AUTS2: variants seen among roughly 807,000 people sequenced by gnomAD.
AUTS2 encodes autism susceptibility gene 2 protein.
Under a neutral mutation model 112.4 loss-of-function variants are expected in AUTS2, and 17 were observed. That is an observed-to-expected ratio of 0.15 (90% CI 0.10 to 0.23). The LOEUF (loss-of-function observed/expected upper bound fraction) is 0.23. Ranked by LOEUF, AUTS2 falls within the 10% of genes least tolerant of loss-of-function variation. AUTS2 has a pLI of 1.00. For missense variants in AUTS2, 1,510 were observed against 1,701.6 expected (o/e 0.89, Z 1.98); for synonymous variants, 751 against 702.7 (o/e 1.07, Z -1.09).
chr7:70,707,374 C>T (rs77763487), intron 6 of AUTS2, among the ~76,000 whole-genome samples: 2,608 of 152,234 alleles, frequency 0.017, 41 homozygotes, highest in East Asian at 0.061. Context: ...TGTCCAAGGT[C>T]GCGCACCTAG....
chr7:69,675,803 G>A (rs778490727), intron 1 of AUTS2, among the ~76,000 whole-genome samples: 1 of 152,024 alleles, frequency 6.6e-6, no homozygotes, highest in African/African-American at 2.4e-5. Flanking sequence ...CACTGTGTCC[G>A]GCCTTGGCTG....
intron 1 of AUTS2, among the ~76,000 whole-genome samples, chr7:69,649,325 A>G (rs975060232): frequency 6.6e-6 from 1 of 152,182 alleles, no homozygotes; most frequent in African/African-American, 2.4e-5. Context: ...CTTTTGGTAC[A>G]CTGTGTTTCT....
intron 1 of AUTS2, among the ~76,000 whole-genome samples, chr7:69,879,575 A>G (rs1188460036): frequency 6.6e-6 from 1 of 152,188 alleles, no homozygotes; most frequent in Non-Finnish European, 1.5e-5. Flanking sequence ...TGGACTGAGC[A>G]TTTCCTAGAT....
chr7:69,778,476 AT>A (rs770914542), intron 1 of AUTS2, among the ~76,000 whole-genome samples: 1 of 151,688 alleles, frequency 6.6e-6, no homozygotes, highest in African/African-American at 2.4e-5. Context: ...GGACCTAAGC[AT>A]TTTTTTAAAG....
At chr7:70,005,267 G>T (rs1799495374) in intron 2 of AUTS2, among the ~76,000 whole-genome samples, 1 of 151,976 alleles carries the variant, frequency 6.6e-6, no homozygotes, top group Non-Finnish European at 1.5e-5. Flanking sequence ...TTTCCGTAGG[G>T]CCTTGCTTAT....
chr7:69,825,196 A>G (rs556101696), intron 1 of AUTS2, among the ~76,000 whole-genome samples: 1 of 152,178 alleles, frequency 6.6e-6, no homozygotes, highest in Non-Finnish European at 1.5e-5. Flanking sequence ...TCTGTTATGC[A>G]TTACTGCCAT....
intron 4 of AUTS2, among the ~76,000 whole-genome samples, chr7:70,215,373 A>G (rs562648327): frequency 7.2e-5 from 11 of 152,288 alleles, no homozygotes; most frequent in Admixed American, 2.0e-4. Flanking sequence ...CCTGCATATT[A>G]TTTGTCTCCT....
chr7:70,618,506 TC>T (rs1017933454), intron 5 of AUTS2, among the ~76,000 whole-genome samples: 1 of 152,046 alleles, frequency 6.6e-6, no homozygotes, highest in African/African-American at 2.4e-5. Context: ...GGACTCCATT[TC>T]CCCCCATATT....
intron 5 of AUTS2, among the ~76,000 whole-genome samples, chr7:70,500,008 CAA>C (rs1798707713): frequency 6.6e-6 from 1 of 152,110 alleles, no homozygotes; most frequent in African/African-American, 2.4e-5. Flanking sequence ...TGCCATAGCT[CAA>C]GACACGATGT....
chr7:69,680,543 G>A (rs948888788), intron 1 of AUTS2, among the ~76,000 whole-genome samples: 2 of 152,162 alleles, frequency 1.3e-5, no homozygotes, highest in African/African-American at 4.8e-5. Flanking sequence ...GTGAAACAGA[G>A]CTCCAGAAAT....
intron 1 of AUTS2, among the ~76,000 whole-genome samples, chr7:69,754,685 A>C (rs1049857742): frequency 6.6e-6 from 1 of 152,186 alleles, no homozygotes; most frequent in Non-Finnish European, 1.5e-5. Flanking sequence ...CTTGTAAAGG[A>C]AAATGACATT....
intron 2 of AUTS2, among the ~76,000 whole-genome samples, chr7:70,042,171 C>A (rs1396734319): frequency 1.7e-5 from 2 of 119,292 alleles, no homozygotes; most frequent in African/African-American, 6.5e-5. Context: ...CCAATCTGCA[C>A]CCCCACCCAC....
chr7:69,768,231 C>G (rs967546696), intron 1 of AUTS2, among the ~76,000 whole-genome samples: 2 of 152,226 alleles, frequency 1.3e-5, no homozygotes, highest in Non-Finnish European at 2.9e-5. Flanking sequence ...CTCACTCTCT[C>G]AGACTCTCAC....
rs548249783 is a variant in AUTS2, at chr7:70,050,317, A to G, written c.523-67815A>G. ...GGTTGCAGTGAGCCGAGATCGAGCC[A>G]CTGCAATCCAGCCTGGCGACAGAGC... is the stretch of plus-strand genomic sequence containing the variant. On this transcript the variant is annotated intron_variant, in intron 2 of 18. Coordinates refer to ENST00000342771, the MANE Select transcript of AUTS2 (RefSeq NM_015570.4). 3.7e-5 allele frequency among the ~76,000 whole-genome samples: 5 copies of G among 136,580 alleles called. No individual in the cohort carries two copies. The South Asian group carries it at 9.6e-4, about 26-fold the overall frequency. 89.6% of individuals were successfully genotyped at this position (136,580 alleles called of 152,430 possible). A position where few individuals can be genotyped will look rare whatever the true frequency, so the allele number is the denominator to read the frequency against.
chr7:69,732,691 T>C (rs965997065), intron 1 of AUTS2, among the ~76,000 whole-genome samples: 7 of 152,182 alleles, frequency 4.6e-5, no homozygotes, highest in African/African-American at 1.2e-4. Context: ...AGTCATGTTA[T>C]GGGGAATAAA....
intron 6 of AUTS2, among the ~76,000 whole-genome samples, chr7:70,717,002 T>A (rs933449210): frequency 9.7e-5 from 6 of 61,838 alleles, no homozygotes; most frequent in African/African-American, 3.8e-4. Flanking sequence ...TTATTTTTTT[T>A]TTTTTTTTTT....
chr7:70,772,859 C>T (rs1790441950), intron 11 of AUTS2, among the ~76,000 whole-genome samples: 1 of 152,260 alleles, frequency 6.6e-6, no homozygotes, highest in African/African-American at 2.4e-5. Flanking sequence ...TCACTACTCC[C>T]TCAGACCCTG....
At chr7:70,140,421 G>A (rs1806800376) in intron 4 of AUTS2, among the ~76,000 whole-genome samples, 1 of 152,124 alleles carries the variant, frequency 6.6e-6, no homozygotes, top group Admixed American at 6.5e-5. Flanking sequence ...AAGAGGGTTT[G>A]AGCTCTCCAG....
chr7:70,251,440 C>T (rs535832387), intron 4 of AUTS2, among the ~76,000 whole-genome samples: 27 of 152,240 alleles, frequency 1.8e-4, no homozygotes, highest in African/African-American at 4.1e-4. Context: ...ACTCTTCCCC[C>T]GGGGTGACCA....
Sources: allele counts gnomAD v4.1 joint callset (sites outside exome capture counted in the v4.1 genomes callset), GRCh38; gene constraint gnomAD v4.1.1; transcripts MANE v1.5; gene names NCBI Gene and HGNC (gene_info 2026-07-23, HGNC 2026-07-21).